Variants in TRPM3 observed in about 807,000 individuals in gnomAD.
TRPM3 encodes the protein long transient receptor potential channel 3.
A neutral mutation model predicts 181.2 loss-of-function variants in TRPM3; 77 were observed. That is an observed-to-expected ratio of 0.42 (90% CI 0.35 to 0.51). The LOEUF is 0.51. Ranked by LOEUF, TRPM3 falls within the 20% of genes least tolerant of loss-of-function variation. The pLI, the probability that TRPM3 is intolerant of heterozygous loss-of-function variation, is 0.01. For synonymous variants in TRPM3, 745 were observed against 796.4 expected (o/e 0.94, Z 1.09); for missense variants, 1,759 against 2,196.7 (o/e 0.80, Z 3.98).
intron 1 of TRPM3, among the ~76,000 whole-genome samples, chr9:71,090,700 T>C (rs1175400655): frequency 6.6e-6 from 1 of 152,184 alleles, no homozygotes; most frequent in Non-Finnish European, 1.5e-5. Flanking sequence ...AGTTCAAAGC[T>C]GGCTCTAGCA....
intron 12 of TRPM3, among the ~76,000 whole-genome samples, chr9:70,629,853 ATTACTT>A (rs2065470766): frequency 6.6e-6 from 1 of 152,172 alleles, no homozygotes; most frequent in Non-Finnish European, 1.5e-5. Context: ...AAGTTAGGGA[ATTACTT>A]TTACCTTTCT....
At chr9:70,797,905 T>C (rs73461944) in intron 6 of TRPM3, among the ~76,000 whole-genome samples, 1,947 of 152,276 alleles carry the variant, frequency 0.013, 51 homozygotes, top group African/African-American at 0.045. Flanking sequence ...TTTTGGAGTG[T>C]CATTAAACCC....
At chr9:71,235,974 A>G (rs1000765612) in intron 1 of TRPM3, among the ~76,000 whole-genome samples, 7 of 152,222 alleles carry the variant, frequency 4.6e-5, no homozygotes, top group African/African-American at 1.7e-4. Flanking sequence ...GTTGTACATT[A>G]ATTTCTTACC....
At chr9:71,095,367 G>A (rs1433367068) in intron 1 of TRPM3, among the ~76,000 whole-genome samples, 1 of 108,050 alleles carries the variant, frequency 9.3e-6, no homozygotes, top group Non-Finnish European at 1.8e-5. Context: ...ATTGAGAGGT[G>A]AGGTGGGGCA....
At chr9:71,178,296 T>C (rs1565308758) in intron 1 of TRPM3, among the ~76,000 whole-genome samples, 1 of 152,142 alleles carries the variant, frequency 6.6e-6, no homozygotes, top group South Asian at 2.1e-4. Context: ...ATATGTTTTG[T>C]TTTATTATAA....
At chr9:70,679,926 A>G (rs773330949) in intron 9 of TRPM3, among the ~76,000 whole-genome samples, 6 of 152,192 alleles carry the variant, frequency 3.9e-5, no homozygotes, top group Admixed American at 6.5e-5. Flanking sequence ...GGTTCAGTTC[A>G]TGCCTGGTCC....
At chr9:70,641,924 G>A (rs2058116734) in intron 9 of TRPM3, among the ~76,000 whole-genome samples, 1 of 152,140 alleles carries the variant, frequency 6.6e-6, no homozygotes, top group African/African-American at 2.4e-5. Flanking sequence ...GTGAAATGGA[G>A]GCAATAAATA....
At chr9:71,057,110 G>A (rs78547019) in intron 1 of TRPM3, among the ~76,000 whole-genome samples, 166 of 152,106 alleles carry the variant, frequency 1.1e-3, no homozygotes, top group African/African-American at 3.7e-3. Context: ...CATGCCATCT[G>A]CTCATGACCC....
rs1384102106 is a variant in TRPM3, at chr9:70,619,998, T to A, written c.2129+78A>T. The A allele has an allele frequency of 4.9e-6, 7 of 1,425,860 alleles. No homozygotes were observed. In the Admixed American group the frequency reaches 1.5e-4, roughly 31 times the overall value. 88.3% of individuals were successfully genotyped at this position (1,425,860 alleles called of 1,614,324 possible). ...TACTGATTTCCCTTAAAGTTCTGAG[T>A]AGCTCAGACTCTCCAGCACTGGGAG... On this transcript the variant is annotated intron_variant, in intron 16 of 25. Transcript: ENST00000677713.
At position 70,957,712 on chromosome 9, in the gene TRPM3, T is replaced by A. The variant is rs565774297; in HGVS notation, c.178-93201A>T. Reference sequence around the variant, plus strand: ...ACTCAGCAGCTGTGCTGCTTCCCTTTCCTCCAACTTTCGCAAATTTCATCT... The same window carrying A: ...ACTCAGCAGCTGTGCTGCTTCCCTTACCTCCAACTTTCGCAAATTTCATCT... On this transcript the variant is annotated intron_variant, in intron 1 of 25. Transcript: ENST00000677713. Among the ~76,000 whole-genome samples the A allele has an allele frequency of 9.9e-5, 15 of 152,268 alleles. No individual in the cohort carries two copies. In the South Asian group the frequency reaches 3.1e-3, roughly 32 times the overall value.
chr9:70,625,819 A>G lies in TRPM3; in HGVS notation c.1633-302T>C, dbSNP rs1026842324. On this transcript the variant is annotated intron_variant, in intron 12 of 25. Coordinates refer to ENST00000677713, the MANE Select transcript of TRPM3 (RefSeq NM_001366145.2). This position sits in a 1 kb window ranked among gnomAD's most constrained non-coding sequence, Gnocchi z 4.8. Reference sequence around the variant, plus strand: ...TTCAGAAGATGAGTGTCATTACCAGAGCCTCCATCAGCTGGGATTTTAGGA... The same window carrying G: ...TTCAGAAGATGAGTGTCATTACCAGGGCCTCCATCAGCTGGGATTTTAGGA... Among the ~76,000 whole-genome samples, 1 of 152,176 alleles carries G rather than the reference A, an allele frequency of 6.6e-6. No individual in the cohort carries two copies. The highest frequency in any genetic ancestry group is 1.5e-5 in the Non-Finnish European group (1 of 68,032).
rs141273431 is a variant in TRPM3 at position 70,531,377 on chromosome 9, A to G, written c.*4576T>C. 3 of 152,314 alleles carry G rather than the reference A, an allele frequency of 2.0e-5. No homozygotes were observed. The highest frequency in any genetic ancestry group is 7.2e-5 in the African/African-American group (3 of 41,576). The allele number at this position is 152,314 out of a possible 1,614,324, so 9.4% of individuals were successfully genotyped here. On this transcript the variant is annotated 3_prime_UTR_variant, in exon 26 of 26. Transcript: ENST00000677713. ...CATAATCCCCATAGTAAGAAGCCCA[A>G]CTGTTTGAGTGAATTCTTAACTGGC...
At chr9:71,266,510 T>C (rs2083403572) in intron 1 of TRPM3, among the ~76,000 whole-genome samples, 1 of 152,172 alleles carries the variant, frequency 6.6e-6, no homozygotes, top group African/African-American at 2.4e-5. Context: ...TCTTTATCCC[T>C]CTTTCTCTCC....
At chr9:70,855,413 A>G (rs528257999) in intron 3 of TRPM3, among the ~76,000 whole-genome samples, 2 of 152,350 alleles carry the variant, frequency 1.3e-5, no homozygotes, top group Admixed American at 6.5e-5. Flanking sequence ...ATTTTAACCC[A>G]AGTAAATTTT....
At chr9:70,806,162 T>C (rs2090625180) in intron 6 of TRPM3, among the ~76,000 whole-genome samples, 1 of 152,192 alleles carries the variant, frequency 6.6e-6, no homozygotes, top group Admixed American at 6.5e-5. Flanking sequence ...ACTTGAATGT[T>C]TGCCTGCTGG....
At chr9:71,215,047 C>CAAAAAAAAAAAAAAAAAAAA (rs72383590) in intron 1 of TRPM3, among the ~76,000 whole-genome samples, 2 of 112,558 alleles carry the variant, frequency 1.8e-5, no homozygotes, top group Non-Finnish European at 3.7e-5. Context: ...AAAAAAAAAA[C>CAAAAAAAAAAAAAAAAAAAA]AAAAAAAAAA....
At chr9:71,072,884 C>T (rs1398683560) in intron 1 of TRPM3, among the ~76,000 whole-genome samples, 1 of 152,168 alleles carries the variant, frequency 6.6e-6, no homozygotes. Context: ...ATAATGTGAA[C>T]TTGTGATCAA....
intron 8 of TRPM3, among the ~76,000 whole-genome samples, chr9:70,683,428 CTTTTTTTTTTTTTTT>C (rs575176948): frequency 1.2e-4 from 7 of 57,470 alleles, no homozygotes; most frequent in African/African-American, 3.2e-4. Context: ...TCTCTCTCTC[CTTTTTTTTTTTTTTT>C]TTTTTTTTTT....
chr9:70,980,592 C>T lies in TRPM3; in HGVS notation c.178-116081G>A, dbSNP rs112100913. ...ATCTGCTTCTTGTTCTTATTTTGCTCCAGTCTCTACCCAATCTGACTGATT... is the reference window on the plus strand; with the variant it reads ...ATCTGCTTCTTGTTCTTATTTTGCTTCAGTCTCTACCCAATCTGACTGATT... On this transcript the variant is annotated intron_variant, in intron 1 of 25. Transcript: ENST00000677713. Among the ~76,000 whole-genome samples, 803 of 152,226 alleles carry T rather than the reference C, an allele frequency of 5.3e-3. 4 individuals carry two copies. The highest frequency in any genetic ancestry group is 0.018 in the African/African-American group (761 of 41,542).
Sources: allele counts gnomAD v4.1 joint callset (sites outside exome capture counted in the v4.1 genomes callset), GRCh38; gene constraint gnomAD v4.1.1; non-coding constraint Gnocchi (gnomAD v3.1); transcripts MANE v1.5; gene names NCBI Gene and HGNC (gene_info 2026-07-23, HGNC 2026-07-21).